Variants in SLC37A3 observed in about 807,000 individuals in gnomAD.
SLC37A3 encodes solute carrier family 37 member 3.
In SLC37A3, 51 loss-of-function variants were observed where a neutral mutation model predicts 67.1. That is an observed-to-expected ratio of 0.76 (90% CI 0.61 to 0.96). The LOEUF is 0.96. SLC37A3 is among the 40% of genes least tolerant of loss of function. SLC37A3 has a pLI of 0.00. For synonymous variants in SLC37A3, 214 were observed against 231.4 expected, an observed-to-expected ratio of 0.92 and a Z score of 0.68; for missense variants, 508 against 603.0, an observed-to-expected ratio of 0.84 and a Z score of 1.65.
Position 140,355,681 on chromosome 7 carries a change from T to C in SLC37A3, c.605A>G (p.Gln202Arg). ...AACAATACCTACCTCATAACCATAC[T>C]GAAGAACAGAAGAAGCTAGGCACGC... ...LGACLASSVL[Q>R]YGYEYAFLVT... is the part of the protein sequence containing the mutation. Residue 202 changes from glutamine to arginine, a missense_variant, in exon 7 of 15, where the codon CAG becomes CGG. Physicochemically the swap from Gln to Arg is conservative, Grantham distance 43. Transcript: ENST00000326232. The C allele has an allele frequency of 6.2e-7, 1 of 1,613,622 alleles. No individual in the cohort carries two copies. Among genetic ancestry groups the C allele is most frequent in the Non-Finnish European group, 8.5e-7 (1 of 1,179,864 alleles).
At chr7:140,380,537 C>A in intron 2 of SLC37A3, 147 bp from the exon 3 acceptor site, 1 of 554,878 alleles carries the variant, frequency 1.8e-6, no homozygotes, top group East Asian at 3.4e-5. Context: ...TTCAGAGAGG[C>A]TCTCTCAATT....
At position 140,361,487 on chromosome 7, in the gene SLC37A3, G is replaced by GCCTCTCCCTCTCCCTCTCCCTCTC. The variant is rs1360434297; in HGVS notation, c.376-2703_376-2702insGAGAGGGAGAGGGAGAGGGAGAGG. 1.3e-4 allele frequency among the ~76,000 whole-genome samples: 7 copies of GCCTCTCCCTCTCCCTCTCCCTCTC among 55,954 alleles called. 1 individual carries two copies. The highest frequency in any genetic ancestry group is 5.3e-4 in the African/African-American group (5 of 9,356). 36.7% of individuals were successfully genotyped at this position (55,954 alleles called of 152,430 possible). A position where few individuals can be genotyped will look rare whatever the true frequency, so the allele number is the denominator to read the frequency against. ...ACAAGAGCAAAACTCCGGACACACA[G>GCCTCTCCCTCTCCCTCTCCCTCTC]CCTCTCCCTCCCCCTCCCCCTCCCC... is the stretch of plus-strand genomic sequence containing the variant. On this transcript the variant is annotated intron_variant, in intron 5 of 14. Transcript: ENST00000326232.
chr7:140,364,888 C>T (rs1054801793), intron 4 of SLC37A3, among the ~76,000 whole-genome samples: 1 of 152,154 alleles, frequency 6.6e-6, no homozygotes, highest in Non-Finnish European at 1.5e-5. Flanking sequence ...ATTTTCTAGA[C>T]TAGATTAATT....
At chr7:140,387,476 G>A (rs561099835) in intron 1 of SLC37A3, among the ~76,000 whole-genome samples, 13 of 150,112 alleles carry the variant, frequency 8.7e-5, no homozygotes, top group East Asian at 7.8e-4. Flanking sequence ...TTAGCCGGGC[G>A]TGGTGATGCA....
intron 4 of SLC37A3, among the ~76,000 whole-genome samples, chr7:140,367,128 A>C: frequency 6.7e-6 from 1 of 150,172 alleles, no homozygotes; most frequent in East Asian, 1.9e-4. Context: ...ACACAGCAAG[A>C]CTCCATCTCA....
At position 140,334,775 on chromosome 7, in the gene SLC37A3, T is replaced by C. The variant is rs1178014553; in HGVS notation, c.*637A>G. The C allele has an allele frequency of 1.3e-5, 2 of 159,072 alleles. No homozygotes were observed. Among genetic ancestry groups the C allele is most frequent in the Non-Finnish European group, 2.8e-5 (2 of 71,634 alleles). 9.9% of individuals were successfully genotyped at this position (159,072 alleles called of 1,614,324 possible). A position where few individuals can be genotyped will look rare whatever the true frequency, so the allele number is the denominator to read the frequency against. ...CAAGTTGACAATAATTTGAAGCAAT[T>C]CATGCTTCTAGGGCTGAATGACGTT... On this transcript the variant is annotated 3_prime_UTR_variant, in exon 15 of 15. Coordinates refer to ENST00000326232, the MANE Select transcript of SLC37A3 (RefSeq NM_207113.3).
Position 140,352,755 on chromosome 7 carries a change from G to A in SLC37A3, c.619-609C>T, listed in dbSNP as rs1274403436. On this transcript the variant is annotated intron_variant, in intron 7 of 14. Coordinates refer to ENST00000326232, the MANE Select transcript of SLC37A3 (RefSeq NM_207113.3). Reference sequence around the variant, plus strand: ...AGCTTACTGCACGACTCAAGGAGAGGGCTTCTGCTAGGGGATAATCAGGAA... The same window carrying A: ...AGCTTACTGCACGACTCAAGGAGAGAGCTTCTGCTAGGGGATAATCAGGAA... Among the ~76,000 whole-genome samples, 6 of 152,152 alleles carry A rather than the reference G, an allele frequency of 3.9e-5. 1 individual carries two copies. Among genetic ancestry groups the A allele is most frequent in the Admixed American group, 3.9e-4 (6 of 15,274 alleles).
intron 12 of SLC37A3, 92 bp downstream of exon 12, chr7:140,345,124 G>T: frequency 8.8e-7 from 1 of 1,140,964 alleles, no homozygotes; most frequent in Non-Finnish European, 1.3e-6. Context: ...TAAGGTTTCG[G>T]TACTACTCAA....
chr7:140,337,421 T>C, intron 13 of SLC37A3, 72 bp from the exon 14 acceptor site: 7 of 1,225,718 alleles, frequency 5.7e-6, no homozygotes, highest in Non-Finnish European at 7.9e-6. Flanking sequence ...AAAAAGTAGA[T>C]TAAACATGGC....
chr7:140,396,340 T>C (rs911262764), intron 1 of SLC37A3, among the ~76,000 whole-genome samples: 1 of 152,174 alleles, frequency 6.6e-6, no homozygotes. Flanking sequence ...ATCTTTTTTA[T>C]CCCACATTAT....
rs1156452164 is a variant in SLC37A3 at position 140,352,534 on chromosome 7, T to C, written c.619-388A>G. Among the ~76,000 whole-genome samples, 3 of 152,082 alleles carry C rather than the reference T, an allele frequency of 2.0e-5. 1 individual carries two copies. In the South Asian group the frequency reaches 6.2e-4, roughly 32 times the overall value. On this transcript the variant is annotated intron_variant, in intron 7 of 14. Transcript: ENST00000326232. ...GGGGATTAAATACATGAAACAATAT[T>C]ATAAAGCACCAAGAAGCTGAATAGA...
intron 4 of SLC37A3, among the ~76,000 whole-genome samples, chr7:140,368,210 C>T (rs889407709): frequency 9.2e-5 from 14 of 152,144 alleles, no homozygotes; most frequent in African/African-American, 3.4e-4. Context: ...ACCTCTTCCC[C>T]GCCCTCGCCT....
Position 140,343,120 on chromosome 7 carries a change from A to T in SLC37A3, c.1326+292T>A, listed in dbSNP as rs139817187. Among the ~76,000 whole-genome samples the T allele has an allele frequency of 2.5e-3, 385 of 152,316 alleles. 1 individual carries two copies. The highest frequency in any genetic ancestry group is 4.1e-3 in the Non-Finnish European group (282 of 68,018). On this transcript the variant is annotated intron_variant, in intron 13 of 14. Coordinates refer to ENST00000326232, the MANE Select transcript of SLC37A3 (RefSeq NM_207113.3). ...TACCAAGTTCAGCCTGGAAAGAAAG[A>T]AGGGGATGGTGGGCTGGGGCAGAAG...
chr7:140,380,394 C>T lies in SLC37A3; in HGVS notation c.90-4G>A. On this transcript the variant is annotated splice_region_variant and splice_polypyrimidine_tract_variant and intron_variant, in intron 2 of 14. Transcript: ENST00000326232. ...TGAAGCATGGAGCAACGAATAACTACAAAATAGAGAGAATACAGATGAATG... is the reference window on the plus strand; with the variant it reads ...TGAAGCATGGAGCAACGAATAACTATAAAATAGAGAGAATACAGATGAATG... 1 of 1,595,290 alleles carries T rather than the reference C, an allele frequency of 6.3e-7. No individual in the cohort carries two copies. Among genetic ancestry groups the T allele is most frequent in the Non-Finnish European group, 8.6e-7 (1 of 1,163,628 alleles).
chr7:140,389,329 T>C (rs1051038193), intron 1 of SLC37A3, among the ~76,000 whole-genome samples: 1 of 152,136 alleles, frequency 6.6e-6, no homozygotes, highest in Non-Finnish European at 1.5e-5. Flanking sequence ...CTGCACTCGA[T>C]AGATCAGCCG....
intron 13 of SLC37A3, among the ~76,000 whole-genome samples, chr7:140,341,209 T>C (rs965037410): frequency 6.6e-6 from 1 of 152,170 alleles, no homozygotes; most frequent in Non-Finnish European, 1.5e-5. Flanking sequence ...CTGGGATTAC[T>C]GGCATGAGCC....
chr7:140,362,202 G>A (rs1797342776), intron 5 of SLC37A3, among the ~76,000 whole-genome samples: 2 of 137,714 alleles, frequency 1.5e-5, no homozygotes, highest in African/African-American at 5.4e-5. Context: ...CTGCCCCGCC[G>A]CCCTGTCTGG....
intron 5 of SLC37A3, among the ~76,000 whole-genome samples, chr7:140,360,344 A>T (rs895438514): frequency 2.6e-5 from 4 of 152,122 alleles, no homozygotes; most frequent in Admixed American, 2.6e-4. Context: ...TCTCTAAAAA[A>T]ATAATAATCA....
chr7:140,382,974 G>A (rs556230271), intron 1 of SLC37A3, among the ~76,000 whole-genome samples: 16 of 152,214 alleles, frequency 1.1e-4, no homozygotes, highest in African/African-American at 2.4e-4. Context: ...GCAAGAAAGC[G>A]TTTGGATAGT....
Sources: allele counts gnomAD v4.1 joint callset (sites outside exome capture counted in the v4.1 genomes callset), GRCh38; gene constraint gnomAD v4.1.1; transcripts MANE v1.5; gene names NCBI Gene and HGNC (gene_info 2026-07-23, HGNC 2026-07-21).